Variants in HEATR1 observed in about 807,000 individuals in gnomAD.
HEATR1 encodes the protein HEAT repeat-containing protein 1.
In HEATR1, 77 loss-of-function variants were observed where a neutral mutation model predicts 248.2. The observed-to-expected ratio is 0.31, with a 90% CI of 0.26 to 0.37. HEATR1 has a LOEUF of 0.37. Among genes scored for constraint, HEATR1 ranks in the 10% least tolerant of loss-of-function variants. The pLI, the probability that HEATR1 is intolerant of heterozygous loss-of-function variation, is 1.00. For synonymous variants in HEATR1, 897 were observed against 923.1 expected (o/e 0.97, Z 0.51); for missense variants, 2,420 against 2,504.9 (o/e 0.97, Z 0.72).
At chr1:236,598,052 G>T in intron 4 of HEATR1, 73 bp from the exon 5 acceptor site, 1 of 903,954 alleles carries the variant, frequency 1.1e-6, no homozygotes, top group Non-Finnish European at 1.8e-6. Flanking sequence ...ATTTACCCTA[G>T]TAATGTCTTC....
intron 29 of HEATR1, 33 bp from the exon 30 acceptor site, chr1:236,566,909 T>G: frequency 7.0e-7 from 1 of 1,426,166 alleles, no homozygotes; most frequent in Non-Finnish European, 9.9e-7. Flanking sequence ...AATGAGTAGG[T>G]GCAAGTAATC....
intron 22 of HEATR1, among the ~76,000 whole-genome samples, chr1:236,575,999 C>T (rs1663552637): frequency 6.6e-6 from 1 of 152,170 alleles, no homozygotes; most frequent in South Asian, 2.1e-4. Context: ...AGGGACAACA[C>T]ATTTAATTTT....
chr1:236,578,721 C>T (rs999358353), intron 20 of HEATR1, among the ~76,000 whole-genome samples: 8 of 152,146 alleles, frequency 5.3e-5, no homozygotes, highest in African/African-American at 1.9e-4. Flanking sequence ...TTATTCAAAG[C>T]AACATGACCT....
intron 8 of HEATR1, 85 bp downstream of exon 8, chr1:236,595,454 AT>A (rs1664152470): frequency 9.3e-7 from 1 of 1,079,804 alleles, no homozygotes. Context: ...AATTTTAAAT[AT>A]TTTGAAGCTG....
intron 2 of HEATR1, among the ~76,000 whole-genome samples, chr1:236,603,650 A>G (rs1315738447): frequency 6.9e-6 from 1 of 144,232 alleles, no homozygotes; most frequent in Non-Finnish European, 1.5e-5. Context: ...CTCTGAGAGG[A>G]CTTCTCCGTC....
At chr1:236,566,091 T>G (rs1270018976) in intron 30 of HEATR1, 46 bp from the exon 31 acceptor site, 2 of 1,582,432 alleles carry the variant, frequency 1.3e-6, no homozygotes, top group African/African-American at 1.4e-5. Context: ...TTAGGAATTG[T>G]GAAGGCATAA....
At position 236,592,701 on chromosome 1, in the gene HEATR1, C is replaced by T; in HGVS notation, c.1194-68G>A. ...CTATTTATTGAGTACCTACTATATT[C>T]TAAGTGCTTTAGAAATATTATCTCT... On this transcript the variant is annotated intron_variant, in intron 9 of 44. Coordinates refer to ENST00000366582, the MANE Select transcript of HEATR1 (RefSeq NM_018072.6). 4.8e-6 allele frequency: 3 copies of T among 623,906 alleles called. 1 individual carries two copies. The South Asian group carries it at 5.9e-5, about 12-fold the overall frequency. The allele number at this position is 623,906 out of a possible 1,614,324, so 38.6% of individuals were successfully genotyped here.
Position 236,550,903 on chromosome 1 carries a change from T to C in HEATR1, c.6434A>G (p.Ter2145=), listed in dbSNP as rs749372018. The part of the protein sequence containing the change: ...VLGEPLQSYF[*] ...GAGTATGAAACACCACAGAAAGTCT[T>C]AGAAATAGCTCTGGAGTGGCTCTCC... is the stretch of plus-strand genomic sequence containing the variant. Residue 2145 remains the stop codon, a stop_retained_variant, in exon 45 of 45, where the codon TAA becomes TGA. Coordinates refer to ENST00000366582, the MANE Select transcript of HEATR1 (RefSeq NM_018072.6). The C allele has an allele frequency of 1.4e-5, 23 of 1,597,726 alleles. No homozygotes were observed. Among genetic ancestry groups the C allele is most frequent in the East Asian group, 8.9e-5 (4 of 44,724 alleles).
chr1:236,593,586 A>G (rs886419578), intron 9 of HEATR1, among the ~76,000 whole-genome samples: 1 of 28,834 alleles, frequency 3.5e-5, no homozygotes, highest in African/African-American at 1.0e-4. Context: ...CATTAAGAGA[A>G]AAAAAAAAAA....
intron 20 of HEATR1, among the ~76,000 whole-genome samples, chr1:236,580,714 A>G (rs1289893345): frequency 6.6e-6 from 1 of 151,686 alleles, no homozygotes; most frequent in East Asian, 1.9e-4. Context: ...GCAGGATCTC[A>G]TCACGTTGTC....
At chr1:236,583,738 C>T (rs60504922) in intron 17 of HEATR1, among the ~76,000 whole-genome samples, 2,582 of 152,190 alleles carry the variant, frequency 0.017, 16 homozygotes, top group Middle Eastern at 0.075. Flanking sequence ...CCACCCGCCT[C>T]GGCCTCCCAA....
At chr1:236,583,339 A>G (rs1663804214) in intron 17 of HEATR1, 143 bp from the exon 18 acceptor site, 1 of 621,876 alleles carries the variant, frequency 1.6e-6, no homozygotes, top group Admixed American at 3.1e-5. Flanking sequence ...CTTTGGTCGG[A>G]TTTTTAAAGA....
In HEATR1 at chr1:236,571,491, CAA is replaced by C; in HGVS notation, c.3827-21_3827-20del. On this transcript the variant is annotated intron_variant, in intron 27 of 44. Transcript: ENST00000366582. ...AAAATATCTACAATGGTGAGAAAGA[CAA>C]AAACCCTAAGTGGCAGGTACACTCA... is the stretch of plus-strand genomic sequence containing the variant. 1 of 1,613,342 alleles carries C rather than the reference CAA, an allele frequency of 6.2e-7. No individual in the cohort carries two copies. The highest frequency in any genetic ancestry group is 8.5e-7 in the Non-Finnish European group (1 of 1,179,854).
At chr1:236,595,227 A>C (rs1295235700) in intron 8 of HEATR1, among the ~76,000 whole-genome samples, 1 of 150,906 alleles carries the variant, frequency 6.6e-6, no homozygotes, top group East Asian at 2.1e-4. Flanking sequence ...TACCTAAATG[A>C]GAAGGCAAAG....
At position 236,588,056 on chromosome 1, in the gene HEATR1, A is replaced by C. The variant is rs369288636; in HGVS notation, c.1531-13T>G. ...CATCAACACCCTCCTGAGCAATAAAAGAAAAACATTAATTTAGCTGTTGCC... is the reference window on the plus strand; with the variant it reads ...CATCAACACCCTCCTGAGCAATAAACGAAAAACATTAATTTAGCTGTTGCC... On this transcript the variant is annotated splice_polypyrimidine_tract_variant and intron_variant, in intron 12 of 44. Transcript: ENST00000366582. The C allele has an allele frequency of 3.6e-5, 58 of 1,595,600 alleles. No homozygotes were observed. The African/African-American group carries it at 6.2e-4, about 17-fold the overall frequency.
At chr1:236,577,470 A>G (rs1304520838) in intron 20 of HEATR1, among the ~76,000 whole-genome samples, 2 of 147,512 alleles carry the variant, frequency 1.4e-5, no homozygotes, top group African/African-American at 2.5e-5. Context: ...AAGTACATAC[A>G]TATCCAAATT....
At chr1:236,591,386 A>G (rs1664034617) in intron 11 of HEATR1, among the ~76,000 whole-genome samples, 1 of 152,226 alleles carries the variant, frequency 6.6e-6, no homozygotes, top group Non-Finnish European at 1.5e-5. Flanking sequence ...AGAAAGTCTT[A>G]TCCATCAACC....
chr1:236,590,640 A>G (rs960994472), intron 12 of HEATR1, among the ~76,000 whole-genome samples: 3 of 152,222 alleles, frequency 2.0e-5, no homozygotes, highest in African/African-American at 7.2e-5. Context: ...CAATGTGGAA[A>G]CATAAAAGTA....
chr1:236,589,422 ATGT>A (rs1002970452), intron 12 of HEATR1, among the ~76,000 whole-genome samples: 8 of 152,334 alleles, frequency 5.3e-5, no homozygotes, highest in Non-Finnish European at 1.0e-4. Context: ...AAAGATCTAA[ATGT>A]TGTTTGTTGT....
Sources: allele counts gnomAD v4.1 joint callset (sites outside exome capture counted in the v4.1 genomes callset), GRCh38; gene constraint gnomAD v4.1.1; transcripts MANE v1.5; gene names NCBI Gene and HGNC (gene_info 2026-07-23, HGNC 2026-07-21).